The following FBN1 variants were observed in gnomAD, a reference collection of about 807,000 sequenced individuals.
The protein encoded by FBN1 is fibrillin-1.
In FBN1, 29 loss-of-function variants were observed where a neutral mutation model predicts 365.1. That is an observed-to-expected ratio of 0.08 (90% CI 0.06 to 0.11). FBN1 has a LOEUF of 0.11. FBN1 is among the 10% of genes least tolerant of loss of function. FBN1 has a pLI of 1.00. For synonymous variants in FBN1, 1,210 were observed against 1,270.5 expected (o/e 0.95, Z 1.01); for missense variants, 2,476 against 3,703.2 (o/e 0.67, Z 8.60).
rs753900024 is a variant in FBN1 at position 48,600,222 on chromosome 15, T to C, written c.359A>G (p.Asn120Ser). ...GCTACCTCCATTCATACAGCGAATA[T>C]TGCAGTGTTGTACTTGAAAAAAAAG... ...SCGSRSIQHC[N>S]IRCMNGGSCS... is the part of the protein sequence containing the mutation. Residue 120 changes from asparagine to serine, a missense_variant, in exon 5 of 66, where the codon AAT (asparagine) becomes AGT (serine). Asn to Ser is a conservative substitution (Grantham distance 46, BLOSUM62 1). Coordinates refer to ENST00000316623, the MANE Select transcript of FBN1 (RefSeq NM_000138.5). 15 of 1,613,500 alleles carry C rather than the reference T, an allele frequency of 9.3e-6. No individual in the cohort carries two copies. Among genetic ancestry groups the C allele is most frequent in the South Asian group, 5.5e-5 (5 of 91,070 alleles).
chr15:48,584,175 T>A (rs186519240), intron 6 of FBN1, among the ~76,000 whole-genome samples: 1 of 152,304 alleles, frequency 6.6e-6, no homozygotes, highest in African/African-American at 2.4e-5. Context: ...CTAAGTACTT[T>A]GTGGATGATC....
At chr15:48,510,413 A>G (rs1215539313) in intron 13 of FBN1, among the ~76,000 whole-genome samples, 1 of 152,224 alleles carries the variant, frequency 6.6e-6, no homozygotes, top group African/African-American at 2.4e-5. Context: ...AAGACTCCTT[A>G]AATCCGAAGT....
intron 38 of FBN1, 35 bp downstream of exon 38, chr15:48,467,903 T>C (rs749015136): frequency 6.3e-7 from 1 of 1,586,132 alleles, no homozygotes; most frequent in Non-Finnish European, 8.7e-7. Flanking sequence ...CTGGCTGGAG[T>C]TGAAATAATA....
At chr15:48,423,234 A>G (rs1026127592) in intron 60 of FBN1, among the ~76,000 whole-genome samples, 2 of 152,256 alleles carry the variant, frequency 1.3e-5, no homozygotes, top group African/African-American at 2.4e-5. Context: ...TTCAACCACT[A>G]TGCCCTCACC....
rs1427880907 is a variant in FBN1 at position 48,463,067 on chromosome 15, G to A, written c.5224+15C>T. On this transcript the variant is annotated intron_variant, in intron 42 of 65. Coordinates refer to ENST00000316623, the MANE Select transcript of FBN1 (RefSeq NM_000138.5). ...TTCAACCTATATTTTTGATAATGGA[G>A]AAACTAAAACTCACCTGTACTTGGG... is the stretch of plus-strand genomic sequence containing the variant. 5 of 1,612,796 alleles carry A rather than the reference G, an allele frequency of 3.1e-6. No homozygotes were observed. The highest frequency in any genetic ancestry group is 1.1e-5 in the South Asian group (1 of 91,056).
At chr15:48,439,663 T>C (rs538600328) in intron 50 of FBN1, among the ~76,000 whole-genome samples, 5 of 152,314 alleles carry the variant, frequency 3.3e-5, no homozygotes, top group Non-Finnish European at 7.4e-5. Flanking sequence ...TATGTTGTAA[T>C]ATTGGTGTAT....
At position 48,608,794 on chromosome 15, in the gene FBN1, G is replaced by A. The variant is rs572401968; in HGVS notation, c.346+1934C>T. 5.4e-4 allele frequency among the ~76,000 whole-genome samples: 82 copies of A among 152,120 alleles called. 1 individual carries two copies. Among genetic ancestry groups the A allele is most frequent in the Admixed American group, 3.9e-4 (6 of 15,286 alleles). ...GCCCCAGGACCTTACTACTATACTCGTCACACCCCACAGTTAACTTGGATT... is the reference window on the plus strand; with the variant it reads ...GCCCCAGGACCTTACTACTATACTCATCACACCCCACAGTTAACTTGGATT... On this transcript the variant is annotated intron_variant, in intron 4 of 65. Transcript: ENST00000316623.
chr15:48,470,548 G>T (rs927794478), intron 36 of FBN1, 86 bp downstream of exon 36: 16 of 1,567,676 alleles, frequency 1.0e-5, no homozygotes, highest in African/African-American at 5.4e-5. Context: ...CTTCTGTGAC[G>T]GCCCTTGTGT....
intron 2 of FBN1, among the ~76,000 whole-genome samples, chr15:48,630,741 AAAAAAAAAAG>A (rs1449375752): frequency 6.6e-6 from 1 of 150,542 alleles, no homozygotes; most frequent in African/African-American, 2.5e-5. Flanking sequence ...CAAAAAAAAA[AAAAAAAAAAG>A]AAAAGAAAAG....
intron 43 of FBN1, among the ~76,000 whole-genome samples, chr15:48,458,835 G>C (rs1173032502): frequency 6.6e-6 from 1 of 152,194 alleles, no homozygotes; most frequent in Non-Finnish European, 1.5e-5. Flanking sequence ...CAAAAGGAGA[G>C]TATAAAGCTT....
chr15:48,471,734 C>T (rs1187240653), intron 35 of FBN1, among the ~76,000 whole-genome samples: 2 of 152,230 alleles, frequency 1.3e-5, no homozygotes, highest in Non-Finnish European at 2.9e-5. Context: ...TTAACTAATA[C>T]ATTAATCAGG....
At chr15:48,486,253 TC>T (rs946065205) in intron 29 of FBN1, among the ~76,000 whole-genome samples, 1 of 152,236 alleles carries the variant, frequency 6.6e-6, no homozygotes, top group Non-Finnish European at 1.5e-5. Context: ...GAGGTTCCAA[TC>T]TTTTTCAATA....
chr15:48,644,641 C>T lies in FBN1; in HGVS notation c.129G>A (p.Lys43=). The T allele has an allele frequency of 6.2e-7, 1 of 1,614,044 alleles. No individual in the cohort carries two copies. The highest frequency in any genetic ancestry group is 8.5e-7 in the Non-Finnish European group (1 of 1,180,034). The change falls in exon 2 of 66, where the codon AAG becomes AAA. Residue 43 remains lysine (K), a synonymous_variant. Transcript: ENST00000316623. ...NVKETRASRA[K]RRGGGGHDAL... is the part of the protein sequence containing the mutation. ...CGTCGTGTCCTCCACCGCCTCTTCT[C>T]TTGGCCCGACTGGCTCTGGTTTCCT...
chr15:48,464,966 T>C (rs976083043), intron 40 of FBN1, among the ~76,000 whole-genome samples: 7 of 152,238 alleles, frequency 4.6e-5, no homozygotes, highest in Non-Finnish European at 7.3e-5. Context: ...ATATTTCTTA[T>C]GCAGAGCACA....
intron 4 of FBN1, among the ~76,000 whole-genome samples, chr15:48,609,487 A>G (rs369822075): frequency 1.8e-4 from 28 of 152,380 alleles, no homozygotes; most frequent in African/African-American, 6.5e-4. Flanking sequence ...GAAGGAAGCT[A>G]ATAAAGTACA....
chr15:48,441,396 T>C (rs990575977), intron 50 of FBN1, among the ~76,000 whole-genome samples: 5 of 152,174 alleles, frequency 3.3e-5, no homozygotes, highest in South Asian at 2.1e-4. Flanking sequence ...GTAGGGGATA[T>C]GTAGCTCAAC....
intron 35 of FBN1, 77 bp from the exon 36 acceptor site, chr15:48,470,833 A>T: frequency 1.4e-6 from 2 of 1,471,078 alleles, no homozygotes; most frequent in Non-Finnish European, 1.9e-6. Context: ...TAATTAGGCA[A>T]CTAATGTAAA....
chr15:48,623,586 T>G lies in FBN1; in HGVS notation c.165-10494A>C, dbSNP rs942961997. Among the ~76,000 whole-genome samples the G allele has an allele frequency of 4.6e-5, 7 of 152,362 alleles. No homozygotes were observed. In the South Asian group the frequency reaches 1.5e-3, roughly 32 times the overall value. ...AAGTGAAGGTTTTCAGCTCACAAGT[T>G]GGCATGCATTTTATTATGGCAGATT... On this transcript the variant is annotated intron_variant, in intron 2 of 65. Transcript: ENST00000316623.
At chr15:48,584,811 A>G (rs1333411666) in intron 6 of FBN1, among the ~76,000 whole-genome samples, 1 of 152,238 alleles carries the variant, frequency 6.6e-6, no homozygotes, top group Admixed American at 6.5e-5. Context: ...GAATTCTATT[A>G]CATACTTCTT....
Sources: gnomAD v4.1 joint callset for allele counts (sites outside exome capture counted in the v4.1 genomes callset) on GRCh38, gnomAD v4.1.1 for gene constraint, MANE v1.5 for transcripts, NCBI Gene and HGNC (gene_info 2026-07-23, HGNC 2026-07-21) for gene names.